The following ANO3 variants were observed in gnomAD, a reference collection of about 807,000 sequenced individuals.
The protein encoded by ANO3 is anoctamin 3, also known as anoctamin-3.
Under a neutral mutation model 144.8 loss-of-function variants are expected in ANO3, and 99 were observed. That is an observed-to-expected ratio of 0.68 (90% CI 0.58 to 0.81). ANO3 has a LOEUF of 0.81. Ranked by LOEUF, ANO3 falls within the 30% of genes least tolerant of loss-of-function variation. The probability of loss-of-function intolerance (pLI) is 0.00; values close to 1 mark genes in which losing one functional copy is unlikely to be tolerated. For synonymous variants in ANO3, 414 were observed against 392.6 expected (o/e 1.05, Z -0.64); for missense variants, 905 against 1,202.2 (o/e 0.75, Z 3.66).
At chr11:26,417,263 G>T (rs1292806012) in intron 1 of ANO3, among the ~76,000 whole-genome samples, 2 of 151,944 alleles carry the variant, frequency 1.3e-5, no homozygotes, top group Non-Finnish European at 1.5e-5. Context: ...ATTCATAATC[G>T]CAAAAAGACT....
chr11:26,604,555 T>A (rs575768175), intron 17 of ANO3, among the ~76,000 whole-genome samples: 1 of 152,236 alleles, frequency 6.6e-6, no homozygotes, highest in South Asian at 2.1e-4. Context: ...GAATAGAATG[T>A]TTTTCCATTT....
At chr11:26,283,988 C>A (rs1853743537) in intron 1 of ANO3, among the ~76,000 whole-genome samples, 1 of 152,106 alleles carries the variant, frequency 6.6e-6, no homozygotes, top group Non-Finnish European at 1.5e-5. Context: ...CTGAGACTTG[C>A]AGTATTTGAC....
intron 17 of ANO3, among the ~76,000 whole-genome samples, chr11:26,608,898 G>A: frequency 6.6e-6 from 1 of 152,162 alleles, no homozygotes; most frequent in Non-Finnish European, 1.5e-5. Flanking sequence ...CCCAGTGCTG[G>A]CTGCTGCCCG....
chr11:26,212,627 T>C (rs763595234), intron 1 of ANO3, among the ~76,000 whole-genome samples: 2 of 151,936 alleles, frequency 1.3e-5, no homozygotes, highest in African/African-American at 2.4e-5. Context: ...AATTCTGAAA[T>C]TGAATCAGTA....
upstream of ANO3, among the ~76,000 whole-genome samples, chr11:26,330,062 G>A (rs35374718): frequency 0.27 from 41,240 of 151,976 alleles, 6,222 homozygotes; most frequent in South Asian, 0.36. Flanking sequence ...TTCTAAAACC[G>A]GTGATTTAAA....
chr11:26,231,259 G>A (rs560229226), intron 1 of ANO3, among the ~76,000 whole-genome samples: 1 of 152,104 alleles, frequency 6.6e-6, no homozygotes, highest in Non-Finnish European at 1.5e-5. Context: ...TCTGACCTCG[G>A]GAGCCTTGGC....
rs1261776374 is a variant in ANO3, at chr11:26,637,969, T to C, written c.2044-1175T>C. On this transcript the variant is annotated intron_variant, in intron 20 of 26. Coordinates refer to ENST00000256737, the MANE Select transcript of ANO3 (RefSeq NM_031418.4). ...TTCAAGTAAAACACATCGGTTGTGA[T>C]TTTTGTTGAAATCACGTTTTTGTTT... is the stretch of plus-strand genomic sequence containing the variant. 3.3e-5 allele frequency among the ~76,000 whole-genome samples: 5 copies of C among 152,214 alleles called. No homozygotes were observed. In the South Asian group the frequency reaches 6.2e-4, roughly 19 times the overall value.
At chr11:26,258,664 A>C (rs1853114442) in intron 1 of ANO3, among the ~76,000 whole-genome samples, 1 of 152,158 alleles carries the variant, frequency 6.6e-6, no homozygotes, top group South Asian at 2.1e-4. Flanking sequence ...GGGTATTCCT[A>C]ACATGTTAGT....
chr11:26,552,127 A>G (rs113656673), intron 12 of ANO3, among the ~76,000 whole-genome samples: 78 of 152,102 alleles, frequency 5.1e-4, no homozygotes, highest in African/African-American at 1.9e-3. Flanking sequence ...TTCTCTTTTT[A>G]CTGGAGATAA....
intron 1 of ANO3, among the ~76,000 whole-genome samples, chr11:26,274,275 TAACAATATACAAATA>T (rs1279548928): frequency 6.6e-6 from 1 of 152,152 alleles, no homozygotes. Flanking sequence ...ATATAAATTT[TAACAATATACAAATA>T]AACAATATAC....
chr11:26,439,482 T>A (rs1268179531), intron 1 of ANO3, among the ~76,000 whole-genome samples: 2 of 152,212 alleles, frequency 1.3e-5, no homozygotes, highest in Non-Finnish European at 2.9e-5. Flanking sequence ...GGGGATCGGC[T>A]GCGAATAGGT....
intron 1 of ANO3, among the ~76,000 whole-genome samples, chr11:26,409,594 G>A (rs529171164): frequency 6.6e-6 from 1 of 152,058 alleles, no homozygotes; most frequent in South Asian, 2.1e-4. Flanking sequence ...CTTTATAAGT[G>A]TGAACTTAAG....
At chr11:26,285,566 C>G (rs1275495577) in intron 1 of ANO3, 4 of 152,116 alleles carry the variant, frequency 2.6e-5, no homozygotes, top group Admixed American at 2.6e-4. Flanking sequence ...GTTTTAGGAG[C>G]ACGTGGAGTC....
intron 4 of ANO3, among the ~76,000 whole-genome samples, chr11:26,485,766 G>A (rs1860421506): frequency 6.6e-6 from 1 of 151,888 alleles, no homozygotes; most frequent in African/African-American, 2.4e-5. Flanking sequence ...AAAAACCTAG[G>A]GAAAAATCTT....
chr11:26,376,940 A>T lies in ANO3; in HGVS notation c.46+44619A>T, dbSNP rs572653210. 2.1e-3 allele frequency among the ~76,000 whole-genome samples: 318 copies of T among 152,258 alleles called. 1 individual carries two copies. The highest frequency in any genetic ancestry group is 4.0e-3 in the Non-Finnish European group (269 of 68,000). On this transcript the variant is annotated intron_variant, in intron 1 of 26. Coordinates refer to ENST00000256737, the MANE Select transcript of ANO3 (RefSeq NM_031418.4). ...TGGCTGAGAGAATGGGCTAGAGGAA[A>T]CATGTTCTGCAGTGAAGGCAAGAGA...
At chr11:26,543,452 T>C (rs1236864136) in intron 11 of ANO3, among the ~76,000 whole-genome samples, 2 of 82,504 alleles carry the variant, frequency 2.4e-5, no homozygotes, top group African/African-American at 3.7e-5. Flanking sequence ...CACCAAACGC[T>C]TTTAATTTCT....
chr11:26,196,480 T>G (rs2133907948), intron 1 of ANO3, among the ~76,000 whole-genome samples: 1 of 152,246 alleles, frequency 6.6e-6, no homozygotes, highest in African/African-American at 2.4e-5. Flanking sequence ...AAGCCATTTC[T>G]CAAAGCAAAA....
chr11:26,449,972 T>G (rs1210955101), intron 3 of ANO3, among the ~76,000 whole-genome samples: 5 of 152,074 alleles, frequency 3.3e-5, no homozygotes, highest in African/African-American at 4.8e-5. Context: ...GGCAGGCTGG[T>G]CTCAAACTCC....
intron 1 of ANO3, among the ~76,000 whole-genome samples, chr11:26,284,098 C>G (rs2133847152): frequency 6.6e-6 from 1 of 152,154 alleles, no homozygotes; most frequent in African/African-American, 2.4e-5. Flanking sequence ...CCTTGGAGGA[C>G]AGGGCCAGAA....
Sources: gnomAD v4.1 joint callset for allele counts (sites outside exome capture counted in the v4.1 genomes callset) on GRCh38, gnomAD v4.1.1 for gene constraint, MANE v1.5 for transcripts, NCBI Gene and HGNC (gene_info 2026-07-23, HGNC 2026-07-21) for gene names.